The following TKT variants were observed in gnomAD, a reference collection of about 807,000 sequenced individuals.
TKT encodes epididymis luminal protein 107.
Under a neutral mutation model 63.9 loss-of-function variants are expected in TKT, and 47 were observed. The observed-to-expected ratio is 0.74, with a 90% confidence interval of 0.58 to 0.94. The LOEUF (loss-of-function observed/expected upper bound fraction) is 0.94, where lower values mean the gene tolerates loss of function less well. Ranked by LOEUF, TKT falls within the 40% of genes least tolerant of loss-of-function variation. The pLI is 0.00. For missense variants in TKT, 721 were observed against 846.2 expected (o/e 0.85, Z 1.84); for synonymous variants, 338 against 334.1 (o/e 1.01, Z -0.13).
At chr3:53,232,930 C>G in intron 6 of TKT, 6 of 522,648 alleles carry the variant, frequency 1.1e-5, no homozygotes, top group Non-Finnish European at 2.0e-5. Flanking sequence ...CTCCTCTCCT[C>G]CTGCCTGTAC....
intron 1 of TKT, among the ~76,000 whole-genome samples, chr3:53,252,628 G>A (rs1281360219): frequency 1.3e-5 from 2 of 152,106 alleles, no homozygotes; most frequent in African/African-American, 4.8e-5. Flanking sequence ...TGTTTCCGGA[G>A]GGGTAACGGC....
intron 4 of TKT, 136 bp downstream of exon 4, chr3:53,240,115 A>T: frequency 1.3e-6 from 1 of 765,712 alleles, no homozygotes; most frequent in Non-Finnish European, 2.1e-6. Context: ...TTTAAAGAGC[A>T]AAAGAGGCCA....
chr3:53,251,840 A>G (rs1705760448), intron 1 of TKT, among the ~76,000 whole-genome samples: 1 of 152,186 alleles, frequency 6.6e-6, no homozygotes. Flanking sequence ...TCTTAAAAAA[A>G]AAGAAAAAAG....
intron 1 of TKT, among the ~76,000 whole-genome samples, chr3:53,242,762 C>CA (rs1413864116): frequency 1.6e-4 from 25 of 152,288 alleles, no homozygotes; most frequent in African/African-American, 5.5e-4. Flanking sequence ...CCTGCCCTCT[C>CA]AGCACCCAGG....
chr3:53,240,429 C>G (rs976247889), intron 3 of TKT, 81 bp from the exon 4 acceptor site: 1 of 1,353,810 alleles, frequency 7.4e-7, no homozygotes, highest in Non-Finnish European at 1.0e-6. Flanking sequence ...CACTCCCACC[C>G]AGCCCAGCAA....
intron 1 of TKT, among the ~76,000 whole-genome samples, chr3:53,247,743 C>A (rs1705581577): frequency 6.6e-6 from 1 of 152,018 alleles, no homozygotes; most frequent in African/African-American, 2.4e-5. Flanking sequence ...ACTACCCGAG[C>A]TGGCTTCTGC....
chr3:53,232,417 CCT>C (rs1553677375), intron 6 of TKT: 2 of 398,874 alleles, frequency 5.0e-6, no homozygotes, highest in East Asian at 3.6e-5. Flanking sequence ...AGCCACAACC[CCT>C]GAGAGCAGGC....
rs1553679774 is a variant in TKT, at chr3:53,241,182, G to A, written c.289C>T (p.Leu97=). 6.3e-7 allele frequency: 1 copy of A among 1,597,106 alleles called. No homozygotes were observed. The highest frequency in any genetic ancestry group is 1.1e-5 in the South Asian group (1 of 88,550). ...AEAGFLAEAE[L]LNLRKISSDL... ...GAGCTGATCTTCCTCAGGTTCAGCA[G>A]CTCCGCCTCGGCCAGGAAACCAGCT... The change falls in exon 3 of 14, where the codon CTG becomes TTG. Residue 97 remains leucine (L), a synonymous_variant. Coordinates refer to ENST00000462138, the MANE Select transcript of TKT (RefSeq NM_001064.4).
At chr3:53,243,713 T>G (rs1275024770) in intron 1 of TKT, 3 of 444,250 alleles carry the variant, frequency 6.8e-6, no homozygotes, top group Non-Finnish European at 1.4e-5. Flanking sequence ...CAGCTTCAAC[T>G]GGAGGCCACC....
chr3:53,248,718 G>T (rs547300573), intron 1 of TKT, among the ~76,000 whole-genome samples: 22 of 151,606 alleles, frequency 1.5e-4, no homozygotes, highest in African/African-American at 5.3e-4. Context: ...AGACCCAAAA[G>T]AACTCATTCT....
intron 5 of TKT, chr3:53,234,688 C>CCT (rs1477147094): frequency 3.5e-6 from 1 of 282,970 alleles, no homozygotes; most frequent in Non-Finnish European, 6.6e-6. Flanking sequence ...CAAGAACCCT[C>CCT]CTTCCTCAAG....
intron 1 of TKT, among the ~76,000 whole-genome samples, chr3:53,243,412 A>T (rs1378879265): frequency 2.6e-5 from 4 of 152,076 alleles, no homozygotes; most frequent in Non-Finnish European, 4.4e-5. Context: ...CCAAGGGCAC[A>T]TGCACCATCT....
At chr3:53,226,575 G>C (rs1242237258) in intron 13 of TKT, 181 bp downstream of exon 13, 3 of 773,724 alleles carry the variant, frequency 3.9e-6, no homozygotes, top group Non-Finnish European at 6.1e-6. Flanking sequence ...CTGTGAGTTA[G>C]CTAGGTCCCC....
chr3:53,229,259 A>C, intron 9 of TKT, 21 bp downstream of exon 9: 1 of 1,613,772 alleles, frequency 6.2e-7, no homozygotes, highest in Non-Finnish European at 8.5e-7. Context: ...CTCCAGGTGT[A>C]AACACCCTGG....
chr3:53,228,915 T>TG, intron 10 of TKT, 92 bp downstream of exon 10: 1 of 1,548,406 alleles, frequency 6.5e-7, no homozygotes. Flanking sequence ...AAACACCCCC[T>TG]GGGGCAGCAA....
chr3:53,229,159 A>G, intron 9 of TKT, 22 bp from the exon 10 acceptor site: 1 of 1,614,036 alleles, frequency 6.2e-7, no homozygotes, highest in East Asian at 2.2e-5. Flanking sequence ...GGGAAAGGAT[A>G]TGCAGAAATA....
chr3:53,233,277 G>A lies in TKT; in HGVS notation c.630-3C>T, dbSNP rs1393003115. On this transcript the variant is annotated splice_polypyrimidine_tract_variant and splice_region_variant and intron_variant, in intron 5 of 13. Transcript: ENST00000462138. ...CATCCACGATGATGGCATGCCAACT[G>A]GGGACAGGGGGCAGAGAGTAAGGGG... is the stretch of plus-strand genomic sequence containing the variant. 1.2e-6 allele frequency: 2 copies of A among 1,607,792 alleles called. No homozygotes were observed. Among genetic ancestry groups the A allele is most frequent in the Non-Finnish European group, 1.7e-6 (2 of 1,176,798 alleles).
At position 53,228,103 on chromosome 3, in the gene TKT, C is replaced by T; in HGVS notation, c.1526G>A (p.Gly509Glu). ...GGCCAAGGCCTCGTGCAGGGTCACC[C>T]CAGCCCCGATAACGGTCACCTGGTC... ...KDDQVTVIGA[G>E]VTLHEALAAA... Residue 509 changes from glycine to glutamate, a missense_variant, in exon 12 of 14, where the codon GGG (glycine) becomes GAG (glutamate). Gly to Glu is a moderately conservative substitution (Grantham distance 98). Coordinates refer to ENST00000462138, the MANE Select transcript of TKT (RefSeq NM_001064.4). The T allele has an allele frequency of 6.2e-7, 1 of 1,613,798 alleles. No homozygotes were observed. Among genetic ancestry groups the T allele is most frequent in the Non-Finnish European group, 8.5e-7 (1 of 1,180,002 alleles).
At chr3:53,241,013 C>T (rs1221862221) in intron 3 of TKT, 119 bp downstream of exon 3, 3 of 811,070 alleles carry the variant, frequency 3.7e-6, no homozygotes, top group African/African-American at 3.6e-5. Flanking sequence ...CAACTCAATG[C>T]CCTCCTCCGC....
Sources: gnomAD v4.1 joint callset for allele counts (sites outside exome capture counted in the v4.1 genomes callset) on GRCh38, gnomAD v4.1.1 for gene constraint, MANE v1.5 for transcripts, NCBI Gene and HGNC (gene_info 2026-07-23, HGNC 2026-07-21) for gene names.